Variants in INPP5A observed in about 807,000 individuals in gnomAD.
INPP5A encodes inositol polyphosphate-5-phosphatase A, also known as 43 kDa inositol polyphosphate 5-phophatase.
A neutral mutation model predicts 65.2 loss-of-function variants in INPP5A; 14 were observed. That is an observed-to-expected ratio of 0.21 (90% confidence interval 0.14 to 0.34). INPP5A has a LOEUF of 0.34. Among genes scored for constraint, INPP5A ranks in the 10% least tolerant of loss-of-function variants. INPP5A has a pLI of 1.00. For missense variants in INPP5A, 431 were observed against 545.6 expected (o/e 0.79, Z 2.09); for synonymous variants, 207 against 208.3 (o/e 0.99, Z 0.05).
intron 1 of INPP5A, among the ~76,000 whole-genome samples, chr10:132,556,545 A>G (rs1040772114): frequency 8.5e-5 from 13 of 152,238 alleles, no homozygotes; most frequent in Non-Finnish European, 1.5e-4. Flanking sequence ...CACACCATAC[A>G]CATGCACAAC....
chr10:132,618,424 C>G (rs575275821), intron 2 of INPP5A, among the ~76,000 whole-genome samples: 1 of 152,232 alleles, frequency 6.6e-6, no homozygotes, highest in Non-Finnish European at 1.5e-5. Context: ...TGCAACATAG[C>G]TCAGAGACAA....
intron 3 of INPP5A, among the ~76,000 whole-genome samples, chr10:132,646,242 T>TGG (rs2072492699): frequency 6.6e-6 from 1 of 152,194 alleles, no homozygotes; most frequent in African/African-American, 2.4e-5. Context: ...GAGCCCCAGA[T>TGG]ACCAGTGGAG....
At chr10:132,581,028 C>T (rs555417525) in intron 1 of INPP5A, among the ~76,000 whole-genome samples, 2 of 152,198 alleles carry the variant, frequency 1.3e-5, no homozygotes, top group Admixed American at 6.5e-5. Flanking sequence ...ACCCCTCCCC[C>T]ATACCTTTCC....
chr10:132,725,141 G>A (rs1192441319), intron 8 of INPP5A, among the ~76,000 whole-genome samples: 7 of 152,260 alleles, frequency 4.6e-5, no homozygotes, highest in African/African-American at 7.2e-5. Flanking sequence ...ACAGCAGGCT[G>A]TGAACAGGTG....
chr10:132,541,043 T>TA (rs2070900403), intron 1 of INPP5A, among the ~76,000 whole-genome samples: 5 of 146,258 alleles, frequency 3.4e-5, no homozygotes, highest in Admixed American at 7.1e-5. Context: ...CAGGCTAGAG[T>TA]GCTGTAGTGG....
intron 2 of INPP5A, among the ~76,000 whole-genome samples, chr10:132,624,144 C>T (rs117597730): frequency 2.0e-5 from 3 of 152,160 alleles, no homozygotes; most frequent in African/African-American, 4.8e-5. Context: ...CCCTGACCCA[C>T]GCACGTTGCT....
chr10:132,607,889 C>G (rs778107125), intron 1 of INPP5A, 26 bp from the exon 2 acceptor site: 8 of 1,603,832 alleles, frequency 5.0e-6, no homozygotes, highest in Non-Finnish European at 6.8e-6. Flanking sequence ...GTCTGACTGG[C>G]TTTTCTTTTT....
chr10:132,558,472 G>T (rs1457131547), intron 1 of INPP5A, among the ~76,000 whole-genome samples: 3 of 152,224 alleles, frequency 2.0e-5, no homozygotes, highest in Non-Finnish European at 4.4e-5. Flanking sequence ...CTCCTGTGCA[G>T]TAGAGACCGG....
rs373510075 is a variant in INPP5A at position 132,698,271 on chromosome 10, T to C, written c.474+352T>C. On this transcript the variant is annotated intron_variant, in intron 6 of 15. Transcript: ENST00000368594. This position sits in a 1 kb window ranked among gnomAD's most constrained non-coding sequence, Gnocchi z 5.5. Reference sequence around the variant, plus strand: ...GGGAGAGGGTCAGGCTGACTGGTGGTAACCAAGACAGTGGCTGACAGTCCT... The same window carrying C: ...GGGAGAGGGTCAGGCTGACTGGTGGCAACCAAGACAGTGGCTGACAGTCCT... Among the ~76,000 whole-genome samples the C allele has an allele frequency of 6.6e-6, 1 of 152,322 alleles. No individual in the cohort carries two copies. Among genetic ancestry groups the C allele is most frequent in the East Asian group, 1.9e-4 (1 of 5,180 alleles).
chr10:132,697,837 C>A lies in INPP5A; in HGVS notation c.392C>A (p.Ala131Asp). Residue 131 changes from alanine (A) to aspartate (D), a missense_variant, in exon 6 of 16, where the codon GCT (alanine) becomes GAT (aspartate). Ala to Asp is a moderately radical substitution (Grantham distance 126). Transcript: ENST00000368594. The surrounding 1 kb of genome is among the most constrained non-coding windows in gnomAD (Gnocchi z 5.6). ...DFKAKKYRKV[A>D]GKEIYSDTLE... ...CCAGCTAAGAAGTATAGAAAGGTCGCTGGCAAAGAGATCTACTCGGATACC... is the reference window on the plus strand; with the variant it reads ...CCAGCTAAGAAGTATAGAAAGGTCGATGGCAAAGAGATCTACTCGGATACC... 3.1e-6 allele frequency: 5 copies of A among 1,613,390 alleles called. No homozygotes were observed. The highest frequency in any genetic ancestry group is 4.2e-6 in the Non-Finnish European group (5 of 1,179,448).
intron 2 of INPP5A, among the ~76,000 whole-genome samples, chr10:132,608,542 A>G (rs1377339975): frequency 6.6e-6 from 1 of 152,190 alleles, no homozygotes; most frequent in South Asian, 2.1e-4. Context: ...GTCTTCATGG[A>G]AGGAGCCACC....
At chr10:132,652,020 C>T (rs2072584363) in intron 4 of INPP5A, among the ~76,000 whole-genome samples, 1 of 151,946 alleles carries the variant, frequency 6.6e-6, no homozygotes, top group African/African-American at 2.4e-5. Flanking sequence ...GTCAGCCTTC[C>T]TCCCTCTCCC....
Position 132,637,569 on chromosome 10 carries a change from TG to T in INPP5A, c.118-8298del, listed in dbSNP as rs2072373413. ...TCACGCTGTTTTCTCTGTGCGATTT[TG>T]CTTTCTCAGTGGATTTTTCTGGTTT... On this transcript the variant is annotated intron_variant, in intron 2 of 15. Transcript: ENST00000368594. This position sits in a 1 kb window ranked among gnomAD's most constrained non-coding sequence, Gnocchi z 4.1. Among the ~76,000 whole-genome samples, 1 of 152,294 alleles carries T rather than the reference TG, an allele frequency of 6.6e-6. No homozygotes were observed. Among genetic ancestry groups the T allele is most frequent in the African/African-American group, 2.4e-5 (1 of 41,558 alleles).
intron 11 of INPP5A, among the ~76,000 whole-genome samples, chr10:132,764,741 CG>C (rs1846805569): frequency 7.6e-6 from 1 of 131,566 alleles, no homozygotes; most frequent in African/African-American, 3.0e-5. Context: ...GGAACACGGT[CG>C]GGCCAGTCCT....
At chr10:132,584,466 A>G (rs1469904229) in intron 1 of INPP5A, among the ~76,000 whole-genome samples, 1 of 152,336 alleles carries the variant, frequency 6.6e-6, no homozygotes, top group South Asian at 2.1e-4. Context: ...AGGAATAAAT[A>G]TATTTTAAAT....
chr10:132,780,165 T>C (rs1044045855), intron 13 of INPP5A, among the ~76,000 whole-genome samples: 5 of 152,242 alleles, frequency 3.3e-5, no homozygotes, highest in African/African-American at 9.6e-5. Context: ...AACTCAGTTT[T>C]ACCTGGATAG....
At chr10:132,657,174 T>C (rs1002816741) in intron 4 of INPP5A, among the ~76,000 whole-genome samples, 2 of 152,186 alleles carry the variant, frequency 1.3e-5, no homozygotes, top group African/African-American at 4.8e-5. Context: ...GGAGCAGAAC[T>C]ATGAGCCTGC....
chr10:132,540,184 G>C (rs1428453711), intron 1 of INPP5A, among the ~76,000 whole-genome samples: 1 of 152,218 alleles, frequency 6.6e-6, no homozygotes, highest in Non-Finnish European at 1.5e-5. Flanking sequence ...TAGTCTCAAA[G>C]GGAAACGAGT....
In INPP5A at chr10:132,644,780, T is replaced by C. The variant is rs1305006183; in HGVS notation, c.118-1088T>C. Among the ~76,000 whole-genome samples the C allele has an allele frequency of 3.3e-5, 5 of 151,736 alleles. No homozygotes were observed. Among genetic ancestry groups the C allele is most frequent in the Non-Finnish European group, 5.9e-5 (4 of 67,922 alleles). ...CATCCTGTGTTCCAGGGGAGCGGGGTCAATCAGTGCCTCACCCCTCATCCT... is the reference window on the plus strand; with the variant it reads ...CATCCTGTGTTCCAGGGGAGCGGGGCCAATCAGTGCCTCACCCCTCATCCT... On this transcript the variant is annotated intron_variant, in intron 2 of 15. Coordinates refer to ENST00000368594, the MANE Select transcript of INPP5A (RefSeq NM_005539.5). This position sits in a 1 kb window ranked among gnomAD's most constrained non-coding sequence, Gnocchi z 6.5.
Sources: allele counts gnomAD v4.1 joint callset (sites outside exome capture counted in the v4.1 genomes callset), GRCh38; gene constraint gnomAD v4.1.1; non-coding constraint Gnocchi (gnomAD v3.1); transcripts MANE v1.5; gene names NCBI Gene and HGNC (gene_info 2026-07-23, HGNC 2026-07-21).